PLEKHB1: variants seen among roughly 807,000 people sequenced by gnomAD.
PLEKHB1 encodes pleckstrin homology domain containing B1.
PLEKHB1 carries 29 observed loss-of-function variants against 36.2 expected under a neutral mutation model. That is an observed-to-expected ratio of 0.80 (90% confidence interval 0.60 to 1.09). The LOEUF is 1.09. Among genes scored for constraint, PLEKHB1 ranks in the 50% least tolerant of loss-of-function variants. PLEKHB1 has a pLI of 0.00. For synonymous variants in PLEKHB1, 138 were observed against 140.0 expected, an observed-to-expected ratio of 0.99 and a Z score of 0.10; for missense variants, 330 against 348.2, an observed-to-expected ratio of 0.95 and a Z score of 0.42.
chr11:73,660,999 C>A (rs1395051068), intron 7 of PLEKHB1, 147 bp downstream of exon 7: 6 of 734,892 alleles, frequency 8.2e-6, no homozygotes, highest in Middle Eastern at 3.8e-4. Flanking sequence ...AGCCCCTCTC[C>A]ATCCTGAGAC....
chr11:73,660,798 C>T lies in PLEKHB1; in HGVS notation c.541C>T (p.Pro181Ser). The T allele has an allele frequency of 3.1e-6, 5 of 1,602,888 alleles. No individual in the cohort carries two copies. The highest frequency in any genetic ancestry group is 4.3e-6 in the Non-Finnish European group (5 of 1,175,826). The change falls in exon 7 of 8, where the codon CCC becomes TCC. Residue 181 changes from proline to serine, a missense_variant. Transcript: ENST00000354190. ...CCAAGACTACTACGAGGTGGTGCCCCCCAATGCACACGAGGCCACGTATGT... is the reference window on the plus strand; with the variant it reads ...CCAAGACTACTACGAGGTGGTGCCCTCCAATGCACACGAGGCCACGTATGT... ...PYQDYYEVVP[P>S]NAHEATYVRS... is the part of the protein sequence containing the mutation.
Position 73,661,146 on chromosome 11 carries a change from C to T in PLEKHB1, c.595+294C>T, listed in dbSNP as rs1236955130. Among the ~76,000 whole-genome samples, 2 of 152,236 alleles carry T rather than the reference C, an allele frequency of 1.3e-5. No homozygotes were observed. Among genetic ancestry groups the T allele is most frequent in the Non-Finnish European group, 2.9e-5 (2 of 68,050 alleles). On this transcript the variant is annotated intron_variant, in intron 7 of 7. Coordinates refer to ENST00000354190, the MANE Select transcript of PLEKHB1 (RefSeq NM_021200.3). The surrounding 1 kb of genome is among the most constrained non-coding windows in gnomAD (Gnocchi z 4.6). The stretch of plus-strand genomic sequence containing the variant: ...GGCTACTGCGGGAATGCTGCCTCCT[C>T]CCCGCTCTGGGGCCTGGCGGTTGGG...
chr11:73,656,681 G>A (rs541417418), intron 6 of PLEKHB1, among the ~76,000 whole-genome samples: 4 of 152,288 alleles, frequency 2.6e-5, no homozygotes, highest in African/African-American at 9.6e-5. Context: ...GAGGGGGCTT[G>A]AGTGAGAGTA....
At chr11:73,659,207 C>T (rs1481138022) in intron 6 of PLEKHB1, among the ~76,000 whole-genome samples, 2 of 133,018 alleles carry the variant, frequency 1.5e-5, no homozygotes, top group Non-Finnish European at 3.1e-5. Context: ...GCCTGGACAA[C>T]AAGAATGAAA....
intron 1 of PLEKHB1, among the ~76,000 whole-genome samples, chr11:73,648,444 T>C (rs1206308733): frequency 1.3e-5 from 2 of 152,196 alleles, no homozygotes. Context: ...GACAGAGTGC[T>C]CGGTCCATCA....
chr11:73,649,678 G>A (rs745546546), intron 2 of PLEKHB1, among the ~76,000 whole-genome samples: 11 of 152,120 alleles, frequency 7.2e-5, no homozygotes, highest in African/African-American at 9.7e-5. Context: ...GCTCGGTCTC[G>A]GGCTTCTAGA....
chr11:73,661,360 G>T lies in PLEKHB1; in HGVS notation c.596-106G>T. ...CTTTGACTGGGGAGCAGGAGAGTGG[G>T]TTCGGCGCCTTACACTGGGTTGGGC... is the stretch of plus-strand genomic sequence containing the variant. On this transcript the variant is annotated intron_variant, in intron 7 of 7. Coordinates refer to ENST00000354190, the MANE Select transcript of PLEKHB1 (RefSeq NM_021200.3). This position sits in a 1 kb window ranked among gnomAD's most constrained non-coding sequence, Gnocchi z 4.6. 1.5e-6 allele frequency: 2 copies of T among 1,303,620 alleles called. No individual in the cohort carries two copies. Among genetic ancestry groups the T allele is most frequent in the East Asian group, 4.9e-5 (2 of 40,674 alleles). The allele number at this position is 1,303,620 out of a possible 1,614,324, so 80.8% of individuals were successfully genotyped here.
At chr11:73,650,171 T>C (rs770744713) in intron 2 of PLEKHB1, among the ~76,000 whole-genome samples, 1 of 152,150 alleles carries the variant, frequency 6.6e-6, no homozygotes, top group Non-Finnish European at 1.5e-5. Flanking sequence ...GCCATGCCTG[T>C]GCCCCTGCAC....
chr11:73,648,617 C>T (rs1049504982), intron 1 of PLEKHB1: 89 of 998,156 alleles, frequency 8.9e-5, no homozygotes, highest in Admixed American at 2.3e-4. Context: ...CATGCTCCAC[C>T]GACTGAGCTA....
intron 5 of PLEKHB1, among the ~76,000 whole-genome samples, chr11:73,653,990 G>A (rs550740019): frequency 6.6e-6 from 1 of 151,364 alleles, no homozygotes; most frequent in South Asian, 2.1e-4. Flanking sequence ...AAAAAAGGGG[G>A]TAGTCTGTCA....
At chr11:73,648,819 G>A (rs1428287779) in intron 1 of PLEKHB1, 193 bp from the exon 2 acceptor site, 14 of 1,339,180 alleles carry the variant, frequency 1.0e-5, no homozygotes, top group Non-Finnish European at 1.3e-5. Context: ...TGGCTGCCCT[G>A]CTGACCCCAC....
At chr11:73,646,735 C>A in intron 1 of PLEKHB1, 109 bp downstream of exon 1, 1 of 1,188,100 alleles carries the variant, frequency 8.4e-7, no homozygotes, top group Non-Finnish European at 1.2e-6. Context: ...CCTCTGGTCT[C>A]TGAATGACAT....
At chr11:73,659,431 C>T (rs1220735982) in intron 6 of PLEKHB1, among the ~76,000 whole-genome samples, 3 of 152,064 alleles carry the variant, frequency 2.0e-5, no homozygotes, top group Admixed American at 1.3e-4. Context: ...CCTGACCCCT[C>T]TCCAGGTCTG....
chr11:73,654,125 CG>C (rs1944950966), intron 5 of PLEKHB1, among the ~76,000 whole-genome samples: 1 of 152,024 alleles, frequency 6.6e-6, no homozygotes, highest in Non-Finnish European at 1.5e-5. Flanking sequence ...GGACAGTGTC[CG>C]GGCAACAGAC....
chr11:73,660,175 T>C (rs1474893280), intron 6 of PLEKHB1: 1 of 153,856 alleles, frequency 6.5e-6, no homozygotes, highest in Non-Finnish European at 1.4e-5. Context: ...GGATATACCA[T>C]ATACTCTAGG....
Position 73,661,023 on chromosome 11 carries a change from G to A in PLEKHB1, c.595+171G>A, listed in dbSNP as rs2134832783. ...CCATCCTGAGACTGGGAGAGCTCTG[G>A]AACCAGCGTTCGTCTCGAGCTGACC... is the stretch of plus-strand genomic sequence containing the variant. On this transcript the variant is annotated intron_variant, in intron 7 of 7. Coordinates refer to ENST00000354190, the MANE Select transcript of PLEKHB1 (RefSeq NM_021200.3). The surrounding 1 kb of genome is among the most constrained non-coding windows in gnomAD (Gnocchi z 4.6). 1.5e-6 allele frequency: 1 copy of A among 672,870 alleles called. No individual in the cohort carries two copies. 41.7% of individuals were successfully genotyped at this position (672,870 alleles called of 1,614,324 possible).
intron 5 of PLEKHB1, among the ~76,000 whole-genome samples, chr11:73,654,626 A>G (rs552491641): frequency 1.8e-4 from 28 of 152,248 alleles, no homozygotes; most frequent in African/African-American, 6.5e-4. Flanking sequence ...GGTCAGTGAG[A>G]TTTTGAGAGG....
At chr11:73,649,624 C>G (rs757053595) in intron 2 of PLEKHB1, among the ~76,000 whole-genome samples, 1 of 152,220 alleles carries the variant, frequency 6.6e-6, no homozygotes, top group Non-Finnish European at 1.5e-5. Flanking sequence ...TCTCTTATGT[C>G]TTTGCCCTTC....
At chr11:73,649,661 G>A (rs935123780) in intron 2 of PLEKHB1, among the ~76,000 whole-genome samples, 1 of 152,202 alleles carries the variant, frequency 6.6e-6, no homozygotes, top group African/African-American at 2.4e-5. Context: ...GTTGCAAAAT[G>A]TCAGAAGCTC....
Sources: gnomAD v4.1 joint callset for allele counts (sites outside exome capture counted in the v4.1 genomes callset) on GRCh38, gnomAD v4.1.1 for gene constraint, Gnocchi (gnomAD v3.1) non-coding constraint, MANE v1.5 for transcripts, NCBI Gene and HGNC (gene_info 2026-07-23, HGNC 2026-07-21) for gene names.